PCDHA3: variants seen among roughly 807,000 people sequenced by gnomAD.
PCDHA3 encodes the protein protocadherin alpha-3.
A neutral mutation model predicts 62.2 loss-of-function variants in PCDHA3; 41 were observed. The ratio of observed to expected loss-of-function variants is 0.66; its 90% confidence interval spans 0.51 to 0.86. The LOEUF is 0.86. PCDHA3 is among the 40% of genes least tolerant of loss of function. The pLI is 0.00. For missense variants in PCDHA3, 1,304 were observed against 1,241.2 expected, an observed-to-expected ratio of 1.05 and a Z score of -0.76; for synonymous variants, 640 against 555.4, an observed-to-expected ratio of 1.15 and a Z score of -2.14.
intron 1 of PCDHA3, among the ~76,000 whole-genome samples, chr5:140,911,327 C>T (rs2153517846): frequency 6.6e-6 from 1 of 152,324 alleles, no homozygotes; most frequent in South Asian, 2.1e-4. Context: ...GGATCCCATT[C>T]TTTTCCAATC....
At chr5:140,833,089 G>A (rs1772288607) in intron 1 of PCDHA3, among the ~76,000 whole-genome samples, 1 of 152,162 alleles carries the variant, frequency 6.6e-6, no homozygotes, top group South Asian at 2.1e-4. Context: ...TTGAGTACTA[G>A]ACGAGTAATT....
chr5:140,805,079 A>C (rs1163848417), intron 1 of PCDHA3: 9 of 1,593,694 alleles, frequency 5.6e-6, no homozygotes, highest in Middle Eastern at 1.6e-4. Flanking sequence ...TTCAATCTTC[A>C]AATCCAGCTT....
intron 1 of PCDHA3, among the ~76,000 whole-genome samples, chr5:140,975,572 C>T (rs1356117545): frequency 6.6e-6 from 1 of 152,202 alleles, no homozygotes; most frequent in African/African-American, 2.4e-5. Context: ...ATATTATATG[C>T]AGTCTCATGT....
rs1445840756 is a variant in PCDHA3, at chr5:140,807,001, T to C, written c.2394+3410T>C. 1.8e-5 allele frequency: 13 copies of C among 728,926 alleles called. No homozygotes were observed. The African/African-American group carries it at 2.3e-4, about 13-fold the overall frequency. 45.2% of individuals were successfully genotyped at this position (728,926 alleles called of 1,614,324 possible). A position where few individuals can be genotyped will look rare whatever the true frequency, so the allele number is the denominator to read the frequency against. ...GTTTGGAGCCACATGATGTCGCTCT[T>C]TACCACAAAATACATGAGAGAAGGA... On this transcript the variant is annotated intron_variant, in intron 1 of 3. Coordinates refer to ENST00000522353, the MANE Select transcript of PCDHA3 (RefSeq NM_018906.3).
At chr5:140,810,155 C>G (rs1764606228) in intron 1 of PCDHA3, 1 of 152,258 alleles carries the variant, frequency 6.6e-6, no homozygotes, top group African/African-American at 2.4e-5. Context: ...ATGAAATTAT[C>G]CATGTTGTTA....
chr5:140,807,027 G>A, intron 1 of PCDHA3: 2 of 866,006 alleles, frequency 2.3e-6, no homozygotes, highest in African/African-American at 1.7e-5. Context: ...GAGAGAAGGA[G>A]GAAGAAGGGA....
chr5:140,882,226 G>T, intron 1 of PCDHA3: 1 of 1,564,150 alleles, frequency 6.4e-7, no homozygotes, highest in Admixed American at 1.9e-5. Context: ...GAGGTAAGGC[G>T]TTGTATATAT....
chr5:140,929,532 G>T, intron 1 of PCDHA3: 1 of 602,214 alleles, frequency 1.7e-6, no homozygotes, highest in Non-Finnish European at 2.5e-6. Flanking sequence ...TTATTTTTGA[G>T]AAACAAGGGC....
At chr5:140,961,248 G>A (rs144956279) in intron 1 of PCDHA3, among the ~76,000 whole-genome samples, 129 of 152,276 alleles carry the variant, frequency 8.5e-4, no homozygotes, top group African/African-American at 1.8e-3. Flanking sequence ...GAATTTATCC[G>A]AAGCTCCAGG....
At chr5:140,972,091 C>G (rs1169233514) in intron 1 of PCDHA3, among the ~76,000 whole-genome samples, 3 of 152,164 alleles carry the variant, frequency 2.0e-5, no homozygotes, top group African/African-American at 4.8e-5. Context: ...AGAGTAATTT[C>G]TGGCATAGAA....
chr5:140,978,898 G>A (rs2096827765), intron 1 of PCDHA3, 51 bp from the exon 2 acceptor site: 1 of 1,612,868 alleles, frequency 6.2e-7, no homozygotes. Flanking sequence ...GCATTCCTGG[G>A]AGAACATTGT....
At chr5:140,808,286 A>G in intron 1 of PCDHA3, 1 of 1,614,260 alleles carries the variant, frequency 6.2e-7, no homozygotes, top group Admixed American at 1.7e-5. Context: ...TCCACTGGGT[A>G]CAGTCATCGC....
At position 140,803,193 on chromosome 5, in the gene PCDHA3, C is replaced by T. The variant is rs781991461; in HGVS notation, c.1996C>T (p.Leu666=). 34 of 1,613,902 alleles carry T rather than the reference C, an allele frequency of 2.1e-5. No homozygotes were observed. The highest frequency in any genetic ancestry group is 2.9e-5 in the Non-Finnish European group (34 of 1,179,944). ...EPSLTATATV[L]VSLVESGQAP... is the part of the protein sequence containing the mutation. ...CTCATTGACCGCCACGGCCACTGTG[C>T]TGGTGTCGCTGGTGGAGAGTGGCCA... The change falls in exon 1 of 4, where the codon CTG becomes TTG. Residue 666 remains leucine (L), a synonymous_variant. Coordinates refer to ENST00000522353, the MANE Select transcript of PCDHA3 (RefSeq NM_018906.3).
intron 1 of PCDHA3, among the ~76,000 whole-genome samples, chr5:140,953,052 C>T (rs2094839858): frequency 6.6e-6 from 1 of 152,206 alleles, no homozygotes; most frequent in Non-Finnish European, 1.5e-5. Flanking sequence ...ATCCAATCAC[C>T]TCTCACAGGC....
intron 1 of PCDHA3, chr5:140,805,368 C>A: frequency 8.6e-7 from 1 of 1,156,780 alleles, no homozygotes; most frequent in Non-Finnish European, 1.1e-6. Context: ...TGGGTCCCCA[C>A]ATAGTGAAAG....
intron 1 of PCDHA3, 148 bp downstream of exon 1, chr5:140,803,739 G>C (rs182945871): frequency 0.01 from 13,996 of 1,397,658 alleles, 104 homozygotes; most frequent in Non-Finnish European, 0.012. Flanking sequence ...TGGTTAAAAC[G>C]GTAAGATTTT....
intron 3 of PCDHA3, among the ~76,000 whole-genome samples, chr5:140,999,859 C>T (rs2153959609): frequency 6.6e-6 from 1 of 152,256 alleles, no homozygotes; most frequent in South Asian, 2.1e-4. Context: ...TCTTCCGCTC[C>T]AAGATTACTG....
In PCDHA3 at chr5:140,980,207, CT is replaced by C. The variant is rs2096880359; in HGVS notation, c.2453+1204del. Among the ~76,000 whole-genome samples, 4 of 152,182 alleles carry C rather than the reference CT, an allele frequency of 2.6e-5. No individual in the cohort carries two copies. In the South Asian group the frequency reaches 8.3e-4, roughly 31 times the overall value. On this transcript the variant is annotated intron_variant, in intron 2 of 3. Coordinates refer to ENST00000522353, the MANE Select transcript of PCDHA3 (RefSeq NM_018906.3). ...TATATTTATTAGAGACCAACTTGTGCTTTTGCCTGCATCTGAGCTGTTGGTG... is the reference window on the plus strand; with the variant it reads ...TATATTTATTAGAGACCAACTTGTGCTTTGCCTGCATCTGAGCTGTTGGTG...
intron 1 of PCDHA3, among the ~76,000 whole-genome samples, chr5:140,938,308 T>C (rs1468853140): frequency 6.6e-6 from 1 of 152,212 alleles, no homozygotes; most frequent in Admixed American, 6.5e-5. Context: ...AAATTCAGTA[T>C]AAAATTGAAT....
Sources: allele counts gnomAD v4.1 joint callset (sites outside exome capture counted in the v4.1 genomes callset), GRCh38; gene constraint gnomAD v4.1.1; transcripts MANE v1.5; gene names NCBI Gene and HGNC (gene_info 2026-07-23, HGNC 2026-07-21).